Variants in HOOK2 observed in about 807,000 individuals in gnomAD.
HOOK2 encodes protein Hook homolog 2.
Under a neutral mutation model 111.9 loss-of-function variants are expected in HOOK2, and 108 were observed. That is an observed-to-expected ratio of 0.96 (90% confidence interval 0.83 to 1.13). HOOK2 has a LOEUF of 1.13. Among genes scored for constraint, HOOK2 ranks in the 50% most tolerant of loss-of-function variants. HOOK2 has a pLI of 0.00. For missense variants in HOOK2, 978 were observed against 951.3 expected, an observed-to-expected ratio of 1.03 and a Z score of -0.37; for synonymous variants, 405 against 394.3, an observed-to-expected ratio of 1.03 and a Z score of -0.32.
chr19:12,769,893 C>A lies in HOOK2; in HGVS notation c.1092G>T (p.Ala364=), dbSNP rs1017970338. Residue 364 remains alanine (A), a synonymous_variant, in exon 11 of 23, where the codon GCG becomes GCT. Transcript: ENST00000397668. Reference sequence around the variant, plus strand: ...GCCCCCGCCGCACCTGCCGCCGCTGCGCCTCCAGCTGGGCGCGCAGGGAGC... The same window carrying A: ...GCCCCCGCCGCACCTGCCGCCGCTGAGCCTCCAGCTGGGCGCGCAGGGAGC... ...RAGSLRAQLE[A]QRRQVQELQG... is the part of the protein sequence containing the mutation. 2.7e-6 allele frequency: 4 copies of A among 1,471,812 alleles called. No individual in the cohort carries two copies. In the African/African-American group the frequency reaches 5.9e-5, roughly 22 times the overall value. The allele number at this position is 1,471,812 out of a possible 1,614,324, so 91.2% of individuals were successfully genotyped here. A position where few individuals can be genotyped will look rare whatever the true frequency, so the allele number is the denominator to read the frequency against.
chr19:12,782,252 A>T (rs1968609765), upstream of HOOK2, among the ~76,000 whole-genome samples: 1 of 152,150 alleles, frequency 6.6e-6, no homozygotes, highest in South Asian at 2.1e-4. Context: ...ACGCTATGTG[A>T]CTGACGTGCC....
At chr19:12,769,079 C>G (rs1050809459) in intron 11 of HOOK2, among the ~76,000 whole-genome samples, 6 of 151,860 alleles carry the variant, frequency 4.0e-5, no homozygotes, top group African/African-American at 1.5e-4. Flanking sequence ...CATTCTCCTG[C>G]CTCAGCCTCC....
chr19:12,789,095 C>T (rs751689455), intron 3 of HOOK2, among the ~76,000 whole-genome samples: 4 of 152,096 alleles, frequency 2.6e-5, no homozygotes, highest in Non-Finnish European at 5.9e-5. Context: ...GGCTGTTTAA[C>T]CCCTATCCCT....
At chr19:12,773,223 CTTTG>C (rs1968389054) in intron 3 of HOOK2, 179 bp from the exon 4 acceptor site, 1 of 324,170 alleles carries the variant, frequency 3.1e-6, no homozygotes, top group South Asian at 4.8e-5. Flanking sequence ...GCCTGACCAT[CTTTG>C]TTTCTTTTTT....
At chr19:12,770,709 G>C (rs931776552) in intron 10 of HOOK2, among the ~76,000 whole-genome samples, 1 of 143,590 alleles carries the variant, frequency 7.0e-6, no homozygotes, top group African/African-American at 2.5e-5. Flanking sequence ...TGGGATAAGG[G>C]GGGGGCAGTG....
In HOOK2 at chr19:12,766,028, G is replaced by T; in HGVS notation, c.1512-14C>A. ...TGCTGGTTCAGCCTGCGAGGGTGGG[G>T]GGCCGCTTAGTGCCTGTGCCCACTT... is the stretch of plus-strand genomic sequence containing the variant. On this transcript the variant is annotated splice_polypyrimidine_tract_variant and intron_variant, in intron 15 of 22. Coordinates refer to ENST00000397668, the MANE Select transcript of HOOK2 (RefSeq NM_013312.3). The T allele has an allele frequency of 6.2e-7, 1 of 1,612,176 alleles. No individual in the cohort carries two copies. Among genetic ancestry groups the T allele is most frequent in the Non-Finnish European group, 8.5e-7 (1 of 1,179,746 alleles).
chr19:12,785,676 GTC>G (rs1289259735), intron 3 of HOOK2, among the ~76,000 whole-genome samples: 4 of 152,172 alleles, frequency 2.6e-5, no homozygotes, highest in African/African-American at 9.7e-5. Flanking sequence ...GGCTACTCCT[GTC>G]TCTCAGGCCT....
chr19:12,776,847 C>G (rs1278571853), upstream of HOOK2, among the ~76,000 whole-genome samples: 2 of 145,566 alleles, frequency 1.4e-5, no homozygotes, highest in Non-Finnish European at 3.0e-5. Context: ...GACTCTGTCT[C>G]AAAAAAAAAC....
At position 12,791,734 on chromosome 19, in the gene HOOK2, C is replaced by T; in HGVS notation, n.42-17509G>A. Reference sequence around the variant, plus strand: ...TCGCTGCAGCGAGGCCCGGAGCGGCCCCGCAGGGACCCTCCCCAGACCGCC... The same window carrying T: ...TCGCTGCAGCGAGGCCCGGAGCGGCTCCGCAGGGACCCTCCCCAGACCGCC... On this transcript the variant is annotated intron_variant and non_coding_transcript_variant, in intron 3 of 3. Coordinates refer to the HOOK2 transcript ENST00000589765. The surrounding 1 kb of genome is among the most constrained non-coding windows in gnomAD (Gnocchi z 7.0). 1 of 1,499,398 alleles carries T rather than the reference C, an allele frequency of 6.7e-7. No homozygotes were observed. 92.9% of individuals were successfully genotyped at this position (1,499,398 alleles called of 1,614,324 possible).
At chr19:12,765,373 C>T (rs1453432956) in intron 18 of HOOK2, 5 of 586,044 alleles carry the variant, frequency 8.5e-6, no homozygotes, top group Non-Finnish European at 1.5e-5. Context: ...CCCTTGCTAG[C>T]TTCTTCTACT....
At chr19:12,773,951 C>A (rs1196910413) in intron 3 of HOOK2, 2 of 153,342 alleles carry the variant, frequency 1.3e-5, no homozygotes, top group Non-Finnish European at 2.9e-5. Flanking sequence ...ATTCCCTATG[C>A]CTGGAACACC....
intron 10 of HOOK2, 121 bp downstream of exon 10, chr19:12,770,811 G>C (rs894401268): frequency 8.2e-7 from 1 of 1,219,374 alleles, no homozygotes; most frequent in African/African-American, 1.5e-5. Context: ...AGTCCAGGGG[G>C]CATATTGGGG....
chr19:12,775,700 C>T (rs1968486380), upstream of HOOK2: 4 of 372,662 alleles, frequency 1.1e-5, no homozygotes, highest in East Asian at 9.1e-5. Flanking sequence ...GGCGCCCGCC[C>T]TGCCGCTAGG....
chr19:12,765,123 T>G (rs754467742), intron 18 of HOOK2, 42 bp from the exon 19 acceptor site: 4 of 1,603,856 alleles, frequency 2.5e-6, no homozygotes, highest in Non-Finnish European at 3.4e-6. Context: ...ACCTCCGGGC[T>G]GGCTTCTCTT....
chr19:12,766,392 T>A, intron 14 of HOOK2, 152 bp from the exon 15 acceptor site: 1 of 957,898 alleles, frequency 1.0e-6, no homozygotes, highest in Non-Finnish European at 1.5e-6. Context: ...TACTACGGGT[T>A]CAGGTTCCCG....
intron 3 of HOOK2, 188 bp from the exon 4 acceptor site, chr19:12,773,232 T>A: frequency 2.4e-4 from 20 of 81,698 alleles, no homozygotes; most frequent in Non-Finnish European, 3.1e-4. Flanking sequence ...TCTTTGTTTC[T>A]TTTTTTTTTT....
upstream of HOOK2, among the ~76,000 whole-genome samples, chr19:12,781,316 T>TA (rs1253833816): frequency 3.4e-5 from 5 of 148,918 alleles, no homozygotes; most frequent in Admixed American, 6.7e-5. Context: ...AAATAAAATA[T>TA]AAAAAAAATA....
chr19:12,786,896 G>A lies in HOOK2; in HGVS notation n.42-12671C>T, dbSNP rs997555855. 2.6e-5 allele frequency among the ~76,000 whole-genome samples: 4 copies of A among 152,194 alleles called. No homozygotes were observed. The highest frequency in any genetic ancestry group is 1.3e-4 in the Admixed American group (2 of 15,284). The stretch of plus-strand genomic sequence containing the variant: ...TTAAAGGAGACCCTCAGTGGGGTGC[G>A]GTGGCTCACACCTGTAATCCCAGCA... On this transcript the variant is annotated intron_variant and non_coding_transcript_variant, in intron 3 of 3. Transcript: ENST00000589765. This position sits in a 1 kb window ranked among gnomAD's most constrained non-coding sequence, Gnocchi z 4.3.
intron 3 of HOOK2, among the ~76,000 whole-genome samples, chr19:12,788,670 C>T (rs1968677431): frequency 6.6e-6 from 1 of 152,056 alleles, no homozygotes; most frequent in Non-Finnish European, 1.5e-5. Flanking sequence ...CTTTTGGGAC[C>T]TGCAAGTTAG....
Sources: gnomAD v4.1 joint callset for allele counts (sites outside exome capture counted in the v4.1 genomes callset) on GRCh38, gnomAD v4.1.1 for gene constraint, Gnocchi (gnomAD v3.1) non-coding constraint, MANE v1.5 for transcripts, NCBI Gene and HGNC (gene_info 2026-07-23, HGNC 2026-07-21) for gene names.